The following PNN variants were observed in gnomAD, a reference collection of about 807,000 sequenced individuals.
PNN encodes pinin, desmosome associated protein.
In PNN, 38 loss-of-function variants were observed where a neutral mutation model predicts 76.6. That is an observed-to-expected ratio of 0.50 (90% CI 0.38 to 0.65). The LOEUF is 0.65. Among genes scored for constraint, PNN ranks in the 30% least tolerant of loss-of-function variants. The pLI is 0.00. For missense variants in PNN, 873 were observed against 874.1 expected, an observed-to-expected ratio of 1.00 and a Z score of 0.02; for synonymous variants, 366 against 283.7, an observed-to-expected ratio of 1.29 and a Z score of -2.91.
chr14:39,180,362 T>C, intron 8 of PNN, 141 bp from the exon 9 acceptor site: 1 of 811,044 alleles, frequency 1.2e-6, no homozygotes, highest in Non-Finnish European at 1.8e-6. Flanking sequence ...TTGTGGTTAC[T>C]TAATTGCCAT....
At position 39,177,880 on chromosome 14, in the gene PNN, A is replaced by G. The variant is rs1065608; in HGVS notation, c.462A>G (p.Gln154=). The G allele has an allele frequency of 3.7e-6, 6 of 1,612,758 alleles. No homozygotes were observed. The highest frequency in any genetic ancestry group is 2.2e-5 in the South Asian group (2 of 90,894). The change falls in exon 6 of 9, where the codon CAA becomes CAG. Residue 154 remains glutamine, a synonymous_variant. Transcript: ENST00000216832. ...RIFGLLMGTL[Q]KFKQESTVAT... ...TTGGCTTGTTGATGGGTACCCTTCAAAAATTTAAACAAGAATCCACTGTTG... is the reference window on the plus strand; with the variant it reads ...TTGGCTTGTTGATGGGTACCCTTCAGAAATTTAAACAAGAATCCACTGTTG...
At chr14:39,176,029 C>CTG (rs1233934952) in intron 1 of PNN, 49 bp from the exon 2 acceptor site, 2 of 958,228 alleles carry the variant, frequency 2.1e-6, no homozygotes, top group Non-Finnish European at 3.4e-6. Context: ...TTGGGTGCGA[C>CTG]TGTGTGTGTC....
At chr14:39,175,547 G>C (rs2053213503) in intron 1 of PNN, among the ~76,000 whole-genome samples, 155 bp downstream of exon 1, 1 of 152,194 alleles carries the variant, frequency 6.6e-6, no homozygotes, top group Non-Finnish European at 1.5e-5. Context: ...TCGCCGAGGT[G>C]GAGAGGCCCC....
At chr14:39,180,447 T>C in intron 8 of PNN, 56 bp from the exon 9 acceptor site, 6 of 1,473,670 alleles carry the variant, frequency 4.1e-6, no homozygotes, top group Non-Finnish European at 5.4e-6. Flanking sequence ...TATAAAATTA[T>C]GGCTTTGAAT....
chr14:39,176,731 C>T (rs989445420), intron 3 of PNN, 136 bp downstream of exon 3: 23 of 647,392 alleles, frequency 3.6e-5, no homozygotes, highest in Middle Eastern at 4.0e-4. Flanking sequence ...CCCCCAAGTT[C>T]TGTTGGTATT....
rs771154306 is a variant in PNN, at chr14:39,180,604, C to G, written c.895C>G (p.Arg299Gly). The G allele has an allele frequency of 1.9e-6, 3 of 1,613,698 alleles. No homozygotes were observed. The highest frequency in any genetic ancestry group is 2.2e-5 in the East Asian group (1 of 44,890). The stretch of plus-strand genomic sequence containing the variant: ...GAAGGAAAAAGAGCATCAGGTGGTG[C>G]GTAATGAAGAACAGAAGGCGGAACA... The part of the protein sequence containing the change: ...SMKEKEHQVV[R>G]NEEQKAEQEE... Residue 299 changes from arginine to glycine, a missense_variant, in exon 9 of 9, where the codon CGT becomes GGT. Arg to Gly is a moderately radical substitution (Grantham distance 125, BLOSUM62 -2). This residue lies in a region of PNN where 712 missense variants were observed against 693.1 expected (regional missense o/e 1.03). Coordinates refer to ENST00000216832, the MANE Select transcript of PNN (RefSeq NM_002687.4).
chr14:39,178,636 C>T (rs1166469624), intron 6 of PNN, among the ~76,000 whole-genome samples: 1 of 143,792 alleles, frequency 7.0e-6, no homozygotes, highest in Non-Finnish European at 1.5e-5. Flanking sequence ...GGTCTGAGCT[C>T]AAAGCAATCC....
rs763642358 is a variant in PNN at position 39,177,921 on chromosome 14, T to A, written c.498+5T>A. On this transcript the variant is annotated splice_donor_5th_base_variant and intron_variant, in intron 6 of 8. Coordinates refer to ENST00000216832, the MANE Select transcript of PNN (RefSeq NM_002687.4). ...TCCACTGTTGCTACTGAAAGGGTAT[T>A]TATCCAAGTTTTGTTTTGCATCATA... 6.4e-7 allele frequency: 1 copy of A among 1,571,830 alleles called. No homozygotes were observed. Among genetic ancestry groups the A allele is most frequent in the South Asian group, 1.1e-5 (1 of 89,052 alleles).
Position 39,183,113 on chromosome 14 carries a change from C to T in PNN, c.*1250C>T, listed in dbSNP as rs542381678. 2 of 152,688 alleles carry T rather than the reference C, an allele frequency of 1.3e-5. No individual in the cohort carries two copies. Among genetic ancestry groups the T allele is most frequent in the Non-Finnish European group, 2.9e-5 (2 of 68,036 alleles). 9.5% of individuals were successfully genotyped at this position (152,688 alleles called of 1,614,324 possible). ...ACAGTGAAAATGTGAAGAAGTATTT[C>T]CAGTTAGTTTTTGTGTGTATATAAC... On this transcript the variant is annotated 3_prime_UTR_variant, in exon 9 of 9. Coordinates refer to ENST00000216832, the MANE Select transcript of PNN (RefSeq NM_002687.4).
chr14:39,176,725 C>CA, intron 3 of PNN, 130 bp downstream of exon 3: 3 of 652,058 alleles, frequency 4.6e-6, no homozygotes, highest in Non-Finnish European at 7.9e-6. Flanking sequence ...CTGCCCCCCC[C>CA]AAGTTCTGTT....
rs2053280186 is a variant in PNN at position 39,182,958 on chromosome 14, G to C, written c.*1095G>C. The C allele has an allele frequency of 6.6e-6, 1 of 152,646 alleles. No homozygotes were observed. Among genetic ancestry groups the C allele is most frequent in the African/African-American group, 2.4e-5 (1 of 41,432 alleles). The allele number at this position is 152,646 out of a possible 1,614,324, so 9.5% of individuals were successfully genotyped here. A position where few individuals can be genotyped will look rare whatever the true frequency, so the allele number is the denominator to read the frequency against. On this transcript the variant is annotated 3_prime_UTR_variant, in exon 9 of 9. Transcript: ENST00000216832. ...AGACTTGTGTGACTGCTTAAGACTA[G>C]TACTTGTATTAACTTTCTGATGCTT...
rs747308352 is a variant in PNN at position 39,175,406 on chromosome 14, G to A, written c.113+14G>A. On this transcript the variant is annotated intron_variant, in intron 1 of 8. Transcript: ENST00000216832. Reference sequence around the variant, plus strand: ...GAATGACGTGAGGTAAGGGCCTAACGGGAACTCGGAACTCGGAGCTCGGAG... The same window carrying A: ...GAATGACGTGAGGTAAGGGCCTAACAGGAACTCGGAACTCGGAGCTCGGAG... The A allele has an allele frequency of 2.1e-4, 313 of 1,526,452 alleles. No individual in the cohort carries two copies. The highest frequency in any genetic ancestry group is 2.7e-4 in the Non-Finnish European group (298 of 1,102,080). 94.6% of individuals were successfully genotyped at this position (1,526,452 alleles called of 1,614,324 possible).
In PNN at chr14:39,176,132, T is replaced by A; in HGVS notation, c.168T>A (p.Arg56=). 1 of 1,599,496 alleles carries A rather than the reference T, an allele frequency of 6.3e-7. No individual in the cohort carries two copies. Among genetic ancestry groups the A allele is most frequent in the Non-Finnish European group, 8.6e-7 (1 of 1,166,732 alleles). The change falls in exon 2 of 9, where the codon CGT becomes CGA. Residue 56 remains arginine, a synonymous_variant. Coordinates refer to ENST00000216832, the MANE Select transcript of PNN (RefSeq NM_002687.4). ...CTGGTCCTGGTGGAGGTAGAGGACG[T>A]GGTAGTTTATTACTGAGGTAAGATT... is the stretch of plus-strand genomic sequence containing the variant. ...ALSGPGGGRG[R]GSLLLRRGFS...
intron 6 of PNN, among the ~76,000 whole-genome samples, chr14:39,178,403 C>T (rs569241821): frequency 1.8e-4 from 27 of 151,898 alleles, no homozygotes; most frequent in Non-Finnish European, 1.3e-4. Context: ...TGGTGGCATG[C>T]GCCTGTAATC....
chr14:39,178,063 T>C (rs750873658), intron 6 of PNN, 147 bp downstream of exon 6: 89 of 647,470 alleles, frequency 1.4e-4, no homozygotes, highest in Non-Finnish European at 2.3e-4. Flanking sequence ...TAACTTCTTA[T>C]AGAACAGCTT....
chr14:39,177,949 TTTAAG>T (rs3064996), intron 6 of PNN, 33 bp downstream of exon 6: 160,175 of 1,305,602 alleles, frequency 0.12, 10,580 homozygotes, highest in Admixed American at 0.2. Flanking sequence ...GCATCATATA[TTTAAG>T]TTATCAAAGT....
In PNN at chr14:39,181,283, C is replaced by CT. The variant is rs1235064249; in HGVS notation, c.1575dup (p.Glu526Ter). On this transcript the variant is annotated frameshift_variant, in exon 9 of 9. Transcript: ENST00000216832. LOFTEE classifies it high-confidence loss of function. ...ACTCAGGAGCAAGGGCATTTACTAC[C>CT]TGAGAGGAAGGATTTTCCTGTAGAG... The CT allele has an allele frequency of 5.6e-6, 9 of 1,614,006 alleles. No homozygotes were observed. Among genetic ancestry groups the CT allele is most frequent in the Non-Finnish European group, 7.6e-6 (9 of 1,179,998 alleles).
At position 39,181,529 on chromosome 14, in the gene PNN, C is replaced by G. The variant is rs776836815; in HGVS notation, c.1820C>G (p.Ser607Cys). The G allele has an allele frequency of 3.1e-6, 5 of 1,602,820 alleles. No individual in the cohort carries two copies. Among genetic ancestry groups the G allele is most frequent in the African/African-American group, 2.7e-5 (2 of 74,432 alleles). ...SSGSSSSRSS[S>C]SSSSSTSGSS... is the part of the protein sequence containing the mutation. ...GGAAGTAGTAGCAGTCGCAGTAGTTCCAGTAGCAGCTCCAGTACAAGTGGC... is the reference window on the plus strand; with the variant it reads ...GGAAGTAGTAGCAGTCGCAGTAGTTGCAGTAGCAGCTCCAGTACAAGTGGC... Residue 607 changes from serine to cysteine, a missense_variant, in exon 9 of 9, where the codon TCC (serine) becomes TGC (cysteine). Ser to Cys is a moderately radical substitution (Grantham distance 112). Around this residue, in one of 3 missense-constraint regions of PNN, gnomAD observed 712 missense variants for 693.1 expected, o/e 1.03. Coordinates refer to ENST00000216832, the MANE Select transcript of PNN (RefSeq NM_002687.4).
At position 39,178,994 on chromosome 14, in the gene PNN, G is replaced by A. The variant is rs147702700; in HGVS notation, c.499-97G>A. 630 of 1,144,116 alleles carry A rather than the reference G, an allele frequency of 5.5e-4. 1 individual carries two copies. The African/African-American group carries it at 7.0e-3, about 13-fold the overall frequency. 70.9% of individuals were successfully genotyped at this position (1,144,116 alleles called of 1,614,324 possible). ...CTAATGTTTCACGTAATTAGTATGT[G>A]TAATAACTTTTTATCATAATTGAAC... On this transcript the variant is annotated intron_variant, in intron 6 of 8. Transcript: ENST00000216832.
Sources: gnomAD v4.1 joint callset for allele counts (sites outside exome capture counted in the v4.1 genomes callset) on GRCh38, gnomAD v4.1.1 for gene constraint, gnomAD v4.1.1 regional missense constraint, MANE v1.5 for transcripts, NCBI Gene and HGNC (gene_info 2026-07-23, HGNC 2026-07-21) for gene names.